Variants in CDS1 observed in about 807,000 individuals in gnomAD.
CDS1 encodes the protein CDP-diacylglycerol synthase 1.
CDS1 carries 41 observed loss-of-function variants against 62.1 expected under a neutral mutation model. The ratio of observed to expected loss-of-function variants is 0.66; its 90% CI spans 0.51 to 0.86. The LOEUF (loss-of-function observed/expected upper bound fraction) is 0.86, where lower values mean the gene tolerates loss of function less well. Among genes scored for constraint, CDS1 ranks in the 40% least tolerant of loss-of-function variants. CDS1 has a pLI of 0.00. For missense variants in CDS1, 470 were observed against 550.1 expected, an observed-to-expected ratio of 0.85 and a Z score of 1.46; for synonymous variants, 185 against 192.6, an observed-to-expected ratio of 0.96 and a Z score of 0.32.
chr4:84,605,862 C>G (rs940986553), intron 2 of CDS1, among the ~76,000 whole-genome samples: 2 of 152,200 alleles, frequency 1.3e-5, no homozygotes, highest in East Asian at 3.9e-4. Context: ...AGCCTTGTAA[C>G]ACAGGTATAT....
chr4:84,605,602 C>T (rs1432683480), intron 2 of CDS1, among the ~76,000 whole-genome samples: 1 of 151,964 alleles, frequency 6.6e-6, no homozygotes, highest in Admixed American at 6.6e-5. Context: ...ACCTAATTCC[C>T]AGATATAACT....
chr4:84,642,304 C>A (rs1302688823), intron 10 of CDS1, among the ~76,000 whole-genome samples: 4 of 140,450 alleles, frequency 2.8e-5, no homozygotes, highest in Admixed American at 2.2e-4. Context: ...CTAGCCTGGG[C>A]AACAAGAGTG....
rs944893998 is a variant in CDS1 at position 84,583,216 on chromosome 4, T to G, written c.-186T>G. ...GCAGGCGGCCTCGAGCGCTCTCTCG[T>G]TGATGCCGTTTTGGAGGTGACCGGC... On this transcript the variant is annotated 5_prime_UTR_variant, in exon 1 of 13. Transcript: ENST00000295887. 2.0e-6 allele frequency: 1 copy of G among 507,554 alleles called. No individual in the cohort carries two copies. Among genetic ancestry groups the G allele is most frequent in the Admixed American group, 4.2e-5 (1 of 23,696 alleles). The allele number at this position is 507,554 out of a possible 1,614,324, so 31.4% of individuals were successfully genotyped here.
chr4:84,595,920 T>C (rs1313610081), intron 1 of CDS1, among the ~76,000 whole-genome samples: 2 of 152,190 alleles, frequency 1.3e-5, no homozygotes, highest in Non-Finnish European at 2.9e-5. Flanking sequence ...GAGATATCAC[T>C]GGAGAAAGAT....
intron 5 of CDS1, among the ~76,000 whole-genome samples, chr4:84,628,708 T>G (rs1044264694): frequency 6.6e-6 from 1 of 152,124 alleles, no homozygotes; most frequent in Admixed American, 6.6e-5. Context: ...AATTTTTACT[T>G]TTATTTCATA....
At chr4:84,598,752 C>G (rs540250930) in intron 1 of CDS1, among the ~76,000 whole-genome samples, 60 of 152,276 alleles carry the variant, frequency 3.9e-4, no homozygotes, top group African/African-American at 1.4e-3. Flanking sequence ...GAAATAGCTG[C>G]TTGCCACTGC....
intron 3 of CDS1, among the ~76,000 whole-genome samples, chr4:84,612,386 A>G (rs1019528266): frequency 2.0e-5 from 3 of 152,158 alleles, no homozygotes; most frequent in Non-Finnish European, 4.4e-5. Flanking sequence ...TCCTAGATAC[A>G]GTGACTTCGG....
At chr4:84,607,253 A>G (rs1021464577) in intron 2 of CDS1, among the ~76,000 whole-genome samples, 2 of 152,108 alleles carry the variant, frequency 1.3e-5, no homozygotes, top group African/African-American at 4.8e-5. Context: ...TATTTAAACT[A>G]TATTGGAGAG....
chr4:84,617,611 T>C lies in CDS1; in HGVS notation c.390T>C (p.Gly130=). 6.3e-7 allele frequency: 1 copy of C among 1,597,204 alleles called. No individual in the cohort carries two copies. Among genetic ancestry groups the C allele is most frequent in the Non-Finnish European group, 8.6e-7 (1 of 1,167,546 alleles). Residue 130 remains glycine (G), a synonymous_variant, in exon 4 of 13, where the codon GGT becomes GGC. Coordinates refer to ENST00000295887, the MANE Select transcript of CDS1 (RefSeq NM_001263.4). The stretch of plus-strand genomic sequence containing the variant: ...GCTTCCATGAAATTATCACTATAGG[T>C]TATAGAGTCTATCATTCTTATGATC... ...VKCFHEIITI[G]YRVYHSYDLP...
chr4:84,645,273 TGTCA>T lies in CDS1; in HGVS notation c.1207_1210del (p.Gln403IlefsTer2). ...TGGTGGGATAATGGACAGATTTGAT[TGTCA>T]GTATTTGATGGCAACTTTTGTACAT... On this transcript the variant is annotated frameshift_variant, in exon 12 of 13. Transcript: ENST00000295887. LOFTEE classifies it high-confidence loss of function. 6.2e-7 allele frequency: 1 copy of T among 1,613,090 alleles called. No homozygotes were observed. Among genetic ancestry groups the T allele is most frequent in the Non-Finnish European group, 8.5e-7 (1 of 1,179,176 alleles).
At chr4:84,586,290 A>G (rs1005784163) in intron 1 of CDS1, among the ~76,000 whole-genome samples, 4 of 152,122 alleles carry the variant, frequency 2.6e-5, no homozygotes, top group Admixed American at 2.0e-4. Context: ...CTTTATTTCT[A>G]TTATTATTAC....
intron 1 of CDS1, among the ~76,000 whole-genome samples, chr4:84,602,842 T>A (rs1722978158): frequency 6.6e-6 from 1 of 152,110 alleles, no homozygotes; most frequent in African/African-American, 2.4e-5. Context: ...TTAAGCAGCT[T>A]CAGGGCCAAC....
chr4:84,641,048 T>G, intron 10 of CDS1, 58 bp downstream of exon 10: 1 of 1,058,842 alleles, frequency 9.4e-7, no homozygotes, highest in East Asian at 2.9e-5. Context: ...AAGATTAAGC[T>G]TCCTTTATTA....
At chr4:84,601,943 A>C (rs1013979636) in intron 1 of CDS1, among the ~76,000 whole-genome samples, 5 of 152,050 alleles carry the variant, frequency 3.3e-5, no homozygotes, top group African/African-American at 4.8e-5. Flanking sequence ...GCATACATAC[A>C]TACATACATA....
chr4:84,624,526 C>T (rs932254558), intron 5 of CDS1, among the ~76,000 whole-genome samples: 9 of 152,032 alleles, frequency 5.9e-5, no homozygotes, highest in African/African-American at 2.2e-4. Context: ...CATTTTTCCA[C>T]TTCATATATT....
In CDS1 at chr4:84,638,186, C is replaced by T. The variant is rs116095380; in HGVS notation, c.811-738C>T. ...GCTCCTGAATCTTTTCCTCCTGCCC[C>T]AACACCACTAACTTCTAGATTTTTT... On this transcript the variant is annotated intron_variant, in intron 8 of 12. Transcript: ENST00000295887. Among the ~76,000 whole-genome samples the T allele has an allele frequency of 2.0e-3, 310 of 152,288 alleles. 1 individual carries two copies. Among genetic ancestry groups the T allele is most frequent in the Middle Eastern group, 0.017 (5 of 294 alleles).
At chr4:84,630,559 T>C (rs954542798) in intron 5 of CDS1, among the ~76,000 whole-genome samples, 1 of 152,232 alleles carries the variant, frequency 6.6e-6, no homozygotes, top group Non-Finnish European at 1.5e-5. Flanking sequence ...CCTTGATAAG[T>C]ATAACTTGGA....
intron 1 of CDS1, among the ~76,000 whole-genome samples, chr4:84,603,970 G>A (rs1205949613): frequency 6.6e-6 from 1 of 152,146 alleles, no homozygotes; most frequent in Non-Finnish European, 1.5e-5. Context: ...CTGATTTTAG[G>A]GGTATATTTC....
chr4:84,611,301 C>T (rs1196491443), intron 3 of CDS1, among the ~76,000 whole-genome samples: 1 of 152,142 alleles, frequency 6.6e-6, no homozygotes, highest in African/African-American at 2.4e-5. Context: ...GCCCTGTGGC[C>T]TTCTTTATTG....
Sources: allele counts gnomAD v4.1 joint callset (sites outside exome capture counted in the v4.1 genomes callset), GRCh38; gene constraint gnomAD v4.1.1; transcripts MANE v1.5; gene names NCBI Gene and HGNC (gene_info 2026-07-23, HGNC 2026-07-21).